ROBO2: variants seen among roughly 807,000 people sequenced by gnomAD.
ROBO2 encodes the protein roundabout homolog 2.
A neutral mutation model predicts 160.8 loss-of-function variants in ROBO2; 53 were observed. The ratio of observed to expected loss-of-function variants is 0.33; its 90% CI spans 0.26 to 0.41. The LOEUF (loss-of-function observed/expected upper bound fraction) is 0.41, where lower values mean the gene tolerates loss of function less well. Ranked by LOEUF, ROBO2 falls within the 10% of genes least tolerant of loss-of-function variation. The pLI, the probability that ROBO2 is intolerant of heterozygous loss-of-function variation, is 1.00. For missense variants in ROBO2, 1,577 were observed against 1,722.4 expected (o/e 0.92, Z 1.49); for synonymous variants, 664 against 611.7 (o/e 1.09, Z -1.26).
At chr3:77,446,510 A>T (rs1029318098) in intron 2 of ROBO2, among the ~76,000 whole-genome samples, 3 of 152,070 alleles carry the variant, frequency 2.0e-5, no homozygotes, top group Admixed American at 1.3e-4. Context: ...ATATATCCAT[A>T]TTGTTTTCAT....
At chr3:77,058,210 A>G (rs946505356) in intron 1 of ROBO2, among the ~76,000 whole-genome samples, 1 of 152,192 alleles carries the variant, frequency 6.6e-6, no homozygotes, top group Non-Finnish European at 1.5e-5. Context: ...CTGAGCTTAG[A>G]TATTTTTTGC....
chr3:77,612,378 T>G (rs2094664144), intron 21 of ROBO2, among the ~76,000 whole-genome samples: 2 of 152,208 alleles, frequency 1.3e-5, no homozygotes, highest in Admixed American at 1.3e-4. Flanking sequence ...TAAGTATTTG[T>G]TGCTTGCAAT....
intron 2 of ROBO2, among the ~76,000 whole-genome samples, chr3:76,384,532 A>C (rs2076788700): frequency 6.6e-6 from 1 of 152,194 alleles, no homozygotes; most frequent in South Asian, 2.1e-4. Flanking sequence ...GTGTGTGTGC[A>C]TGTATTAGTC....
chr3:76,216,837 C>G (rs1054028450), intron 2 of ROBO2, among the ~76,000 whole-genome samples: 1 of 152,130 alleles, frequency 6.6e-6, no homozygotes, highest in Non-Finnish European at 1.5e-5. Context: ...AACTCTCCAC[C>G]CAAAATCAAC....
chr3:76,503,015 TGTGTGC>T (rs1356851889), intron 2 of ROBO2, among the ~76,000 whole-genome samples: 10 of 142,648 alleles, frequency 7.0e-5, no homozygotes, highest in Admixed American at 4.7e-4. Context: ...TGTGTGTGTG[TGTGTGC>T]GCGCGCACGC....
chr3:76,943,825 G>A (rs2078347645), intron 2 of ROBO2, among the ~76,000 whole-genome samples: 1 of 152,106 alleles, frequency 6.6e-6, no homozygotes, highest in Non-Finnish European at 1.5e-5. Context: ...TTTGGTGATA[G>A]ATATACTGTG....
chr3:76,516,628 T>C (rs1372062512), intron 2 of ROBO2, among the ~76,000 whole-genome samples: 1 of 136,076 alleles, frequency 7.3e-6, no homozygotes, highest in Non-Finnish European at 1.7e-5. Context: ...CAACCATTTC[T>C]AGGAAAATGA....
intron 2 of ROBO2, among the ~76,000 whole-genome samples, chr3:76,692,103 G>A (rs1270052454): frequency 3.3e-5 from 5 of 151,884 alleles, no homozygotes; most frequent in Admixed American, 6.6e-5. Flanking sequence ...GAGAAGAGAC[G>A]AAAAGAGAGA....
rs1333814923 is a variant in ROBO2 at position 77,616,977 on chromosome 3, A to G, written c.3294-536A>G. Among the ~76,000 whole-genome samples, 3 of 152,338 alleles carry G rather than the reference A, an allele frequency of 2.0e-5. No individual in the cohort carries two copies. In the East Asian group the frequency reaches 5.8e-4, roughly 29 times the overall value. ...CAAGATAAAGAGGACATTAGTTTCTACTGAGAAAATTAAGAGAATCAAAGA... is the reference window on the plus strand; with the variant it reads ...CAAGATAAAGAGGACATTAGTTTCTGCTGAGAAAATTAAGAGAATCAAAGA... On this transcript the variant is annotated intron_variant, in intron 21 of 25. Transcript: ENST00000461745.
intron 2 of ROBO2, among the ~76,000 whole-genome samples, chr3:76,825,524 A>G (rs1162427719): frequency 6.6e-6 from 1 of 150,786 alleles, no homozygotes; most frequent in African/African-American, 2.4e-5. Context: ...ATCCTTACAT[A>G]AAGTAACTAC....
At chr3:76,424,828 G>C (rs969372252) in intron 2 of ROBO2, among the ~76,000 whole-genome samples, 1 of 152,070 alleles carries the variant, frequency 6.6e-6, no homozygotes. Flanking sequence ...ATTGCCAATC[G>C]TGCTACAATA....
chr3:77,034,489 T>C (rs1343596648), intron 2 of ROBO2, among the ~76,000 whole-genome samples: 1 of 151,822 alleles, frequency 6.6e-6, no homozygotes, highest in Non-Finnish European at 1.5e-5. Context: ...CAGAATCTGC[T>C]CCCAAACAGA....
At chr3:77,066,734 A>G (rs537346993) in intron 1 of ROBO2, among the ~76,000 whole-genome samples, 5 of 152,224 alleles carry the variant, frequency 3.3e-5, no homozygotes, top group African/African-American at 4.8e-5. Flanking sequence ...TGATAGTACA[A>G]GTAGGCAATC....
intron 2 of ROBO2, among the ~76,000 whole-genome samples, chr3:76,971,988 A>G (rs2059593272): frequency 6.6e-6 from 1 of 152,240 alleles, no homozygotes; most frequent in Admixed American, 6.5e-5. Context: ...TCATATCTAA[A>G]TGGAAGCTCT....
chr3:77,136,663 T>C (rs977011150), intron 2 of ROBO2, among the ~76,000 whole-genome samples: 27 of 149,878 alleles, frequency 1.8e-4, no homozygotes, highest in African/African-American at 6.6e-4. Context: ...TTTTTGAGAC[T>C]GAGTCTCACT....
At chr3:76,752,377 A>C (rs2060720784) in intron 2 of ROBO2, among the ~76,000 whole-genome samples, 1 of 151,792 alleles carries the variant, frequency 6.6e-6, no homozygotes, top group Non-Finnish European at 1.5e-5. Context: ...AACATGGCAC[A>C]TGTATACATA....
intron 2 of ROBO2, among the ~76,000 whole-genome samples, chr3:77,308,387 G>C (rs1399350997): frequency 6.6e-6 from 1 of 151,972 alleles, no homozygotes; most frequent in Non-Finnish European, 1.5e-5. Context: ...GGCATCGTCA[G>C]GTGTTCAGGG....
intron 2 of ROBO2, among the ~76,000 whole-genome samples, chr3:76,308,487 G>A (rs1310253671): frequency 6.6e-6 from 1 of 151,502 alleles, no homozygotes; most frequent in African/African-American, 2.4e-5. Context: ...AAAGTGCTTT[G>A]AACTTGTAAT....
At chr3:76,826,802 T>G (rs2066627963) in intron 2 of ROBO2, among the ~76,000 whole-genome samples, 1 of 152,196 alleles carries the variant, frequency 6.6e-6, no homozygotes, top group Admixed American at 6.6e-5. Flanking sequence ...ATTATAAAAA[T>G]GATGCTCTTT....
Sources: gnomAD v4.1 joint callset for allele counts (sites outside exome capture counted in the v4.1 genomes callset) on GRCh38, gnomAD v4.1.1 for gene constraint, MANE v1.5 for transcripts, NCBI Gene and HGNC (gene_info 2026-07-23, HGNC 2026-07-21) for gene names.